The following ARAP1 variants were observed in gnomAD, a reference collection of about 807,000 sequenced individuals.
ARAP1 encodes arf-GAP with Rho-GAP domain, ANK repeat and PH domain-containing protein 1.
ARAP1 carries 76 observed loss-of-function variants against 172.2 expected under a neutral mutation model. That is an observed-to-expected ratio of 0.44 (90% CI 0.37 to 0.53). The LOEUF is 0.53. ARAP1 is among the 20% of genes least tolerant of loss of function. ARAP1 has a pLI of 0.00. For missense variants in ARAP1, 1,686 were observed against 1,977.5 expected (o/e 0.85, Z 2.80); for synonymous variants, 804 against 803.3 (o/e 1.00, Z -0.01).
intron 1 of ARAP1, among the ~76,000 whole-genome samples, chr11:72,747,641 G>C (rs1858408179): frequency 6.6e-6 from 1 of 152,230 alleles, no homozygotes; most frequent in African/African-American, 2.4e-5. Flanking sequence ...CTGCAGGCAA[G>C]TCACCACCTT....
chr11:72,685,434 G>T lies in ARAP1; in HGVS notation c.*230C>A. On this transcript the variant is annotated 3_prime_UTR_variant, in exon 35 of 35. Coordinates refer to ENST00000393609, the MANE Select transcript of ARAP1 (RefSeq NM_001040118.3). Reference sequence around the variant, plus strand: ...GTGGGGTGAGCAGGTTGGGCCAAGAGGTCTGAACACCTGGACAGAGTTGGG... The same window carrying T: ...GTGGGGTGAGCAGGTTGGGCCAAGATGTCTGAACACCTGGACAGAGTTGGG... 1 of 602,308 alleles carries T rather than the reference G, an allele frequency of 1.7e-6. No homozygotes were observed. Among genetic ancestry groups the T allele is most frequent in the Non-Finnish European group, 2.9e-6 (1 of 340,700 alleles). 37.3% of individuals were successfully genotyped at this position (602,308 alleles called of 1,614,324 possible).
At chr11:72,718,403 C>T (rs1565224806) in intron 3 of ARAP1, among the ~76,000 whole-genome samples, 1 of 152,052 alleles carries the variant, frequency 6.6e-6, no homozygotes, top group South Asian at 2.1e-4. Context: ...ATGTCACCCA[C>T]TGACTTGTCA....
chr11:72,726,606 T>C lies in ARAP1; in HGVS notation c.509+14A>G. 6.7e-7 allele frequency: 1 copy of C among 1,485,098 alleles called. No individual in the cohort carries two copies. The highest frequency in any genetic ancestry group is 1.4e-5 in the African/African-American group (1 of 72,462). 92.0% of individuals were successfully genotyped at this position (1,485,098 alleles called of 1,614,324 possible). A position where few individuals can be genotyped will look rare whatever the true frequency, so the allele number is the denominator to read the frequency against. On this transcript the variant is annotated intron_variant, in intron 3 of 34. Transcript: ENST00000393609. This position sits in a 1 kb window ranked among gnomAD's most constrained non-coding sequence, Gnocchi z 6.5. Reference sequence around the variant, plus strand: ...CTGCCTGTGCGCCTCCCACCCTGGGTGGCATCCACTCACCTCACCAGCAGG... The same window carrying C: ...CTGCCTGTGCGCCTCCCACCCTGGGCGGCATCCACTCACCTCACCAGCAGG...
chr11:72,696,848 G>T, intron 22 of ARAP1, 135 bp downstream of exon 22: 3 of 1,055,370 alleles, frequency 2.8e-6, no homozygotes, highest in South Asian at 1.6e-5. Context: ...GCGGCGATGG[G>T]AATGAGAAGC....
At position 72,696,594 on chromosome 11, in the gene ARAP1, G is replaced by C. The variant is rs1021199379; in HGVS notation, c.3227C>G (p.Pro1076Arg). 3.1e-6 allele frequency: 5 copies of C among 1,604,588 alleles called. No individual in the cohort carries two copies. The highest frequency in any genetic ancestry group is 4.3e-6 in the Non-Finnish European group (5 of 1,173,858). ...RYRELLVRLP[P>R]VNRATVKALI... is the part of the protein sequence containing the mutation. ...GGCCTTCACTGTGGCCCGGTTGACAGGGGGCAGCCGCACCAGCAGCTCTCG... is the reference window on the plus strand; with the variant it reads ...GGCCTTCACTGTGGCCCGGTTGACACGGGGCAGCCGCACCAGCAGCTCTCG... Residue 1076 changes from proline (P) to arginine (R), a missense_variant, in exon 23 of 35, where the codon CCT becomes CGT. Coordinates refer to ENST00000393609, the MANE Select transcript of ARAP1 (RefSeq NM_001040118.3).
chr11:72,725,660 C>A lies in ARAP1; in HGVS notation c.509+960G>T, dbSNP rs1457416749. 2.6e-5 allele frequency among the ~76,000 whole-genome samples: 4 copies of A among 152,104 alleles called. No individual in the cohort carries two copies. The highest frequency in any genetic ancestry group is 9.7e-5 in the African/African-American group (4 of 41,424). On this transcript the variant is annotated intron_variant, in intron 3 of 34. Transcript: ENST00000393609. The surrounding 1 kb of genome is among the most constrained non-coding windows in gnomAD (Gnocchi z 4.3). ...GTCCTTGGCATGGATCCAGCCAGGGCCCCCTCCCTGCTCTCCCTCTGATTT... is the reference window on the plus strand; with the variant it reads ...GTCCTTGGCATGGATCCAGCCAGGGACCCCTCCCTGCTCTCCCTCTGATTT...
At chr11:72,746,528 A>G (rs1264991659) in intron 1 of ARAP1, among the ~76,000 whole-genome samples, 1 of 152,226 alleles carries the variant, frequency 6.6e-6, no homozygotes, top group Non-Finnish European at 1.5e-5. Context: ...TCGGAAATTC[A>G]GAAGCTGGGA....
At chr11:72,702,287 C>A (rs1254336910) in intron 15 of ARAP1, among the ~76,000 whole-genome samples, 1 of 152,194 alleles carries the variant, frequency 6.6e-6, no homozygotes, top group Non-Finnish European at 1.5e-5. Flanking sequence ...TCTCTCCAGC[C>A]CAGTGTGCCC....
At position 72,695,171 on chromosome 11, in the gene ARAP1, A is replaced by G; in HGVS notation, c.3577-74T>C. 3.3e-6 allele frequency: 5 copies of G among 1,516,396 alleles called. No homozygotes were observed. Among genetic ancestry groups the G allele is most frequent in the Non-Finnish European group, 3.6e-6 (4 of 1,099,962 alleles). The allele number at this position is 1,516,396 out of a possible 1,614,324, so 93.9% of individuals were successfully genotyped here. A position where few individuals can be genotyped will look rare whatever the true frequency, so the allele number is the denominator to read the frequency against. ...CTGCCACAACCTTGCTATGTGACTC[A>G]GAGCCTGAGCCCATCCTTCTCAGGC... On this transcript the variant is annotated intron_variant, in intron 26 of 34. Transcript: ENST00000393609. The surrounding 1 kb of genome is among the most constrained non-coding windows in gnomAD (Gnocchi z 4.4).
Position 72,710,024 on chromosome 11 carries a change from C to A in ARAP1, c.1417-48G>T. The A allele has an allele frequency of 6.5e-7, 1 of 1,541,250 alleles. No homozygotes were observed. The highest frequency in any genetic ancestry group is 9.0e-7 in the Non-Finnish European group (1 of 1,114,680). ...TGAGGGCAAGGCTTTGGGGGCAGGG[C>A]GTGAGGCTTGGGACAGGGAGAGGAA... On this transcript the variant is annotated intron_variant, in intron 10 of 34. Coordinates refer to ENST00000393609, the MANE Select transcript of ARAP1 (RefSeq NM_001040118.3). The surrounding 1 kb of genome is among the most constrained non-coding windows in gnomAD (Gnocchi z 4.3).
chr11:72,750,914 G>A (rs1858513287), intron 1 of ARAP1, among the ~76,000 whole-genome samples: 1 of 152,194 alleles, frequency 6.6e-6, no homozygotes, highest in African/African-American at 2.4e-5. Context: ...AAGGACCTGG[G>A]GATTTGAATG....
rs545530995 is a variant in ARAP1, at chr11:72,695,032, G to A, written c.3642C>T (p.Ile1214=). 1.2e-6 allele frequency: 2 copies of A among 1,614,132 alleles called. No homozygotes were observed. Among genetic ancestry groups the A allele is most frequent in the South Asian group, 2.2e-5 (2 of 91,076 alleles). ...AGCAGGTCCAATAGTCCTTCTCCCTGATGCCCACGTTCCGGCGATCCAGGA... is the reference window on the plus strand; with the variant it reads ...AGCAGGTCCAATAGTCCTTCTCCCTAATGCCCACGTTCCGGCGATCCAGGA... ...LEILDRRNVG[I]REKDYWTCFE... is the part of the protein sequence containing the mutation. Residue 1214 remains isoleucine, a synonymous_variant, in exon 27 of 35, where the codon ATC becomes ATT. Coordinates refer to ENST00000393609, the MANE Select transcript of ARAP1 (RefSeq NM_001040118.3). The surrounding 1 kb of genome is among the most constrained non-coding windows in gnomAD (Gnocchi z 4.4).
intron 1 of ARAP1, among the ~76,000 whole-genome samples, chr11:72,736,204 AAAAT>A (rs778826041): frequency 1.3e-5 from 2 of 151,998 alleles, no homozygotes; most frequent in Admixed American, 1.3e-4. Flanking sequence ...TGACCTTTTT[AAAAT>A]AAATAGTTAT....
rs1856997211 is a variant in ARAP1, at chr11:72,711,175, C to T, written c.1093-34G>A. On this transcript the variant is annotated intron_variant, in intron 8 of 34. Transcript: ENST00000393609. Reference sequence around the variant, plus strand: ...GAGACAGGAACTATATTTTGGGACCCAGCACCTCGCTGACTCCCCCAGCCT... The same window carrying T: ...GAGACAGGAACTATATTTTGGGACCTAGCACCTCGCTGACTCCCCCAGCCT... 2.5e-6 allele frequency: 4 copies of T among 1,612,206 alleles called. No individual in the cohort carries two copies. In the African/African-American group the frequency reaches 5.3e-5, roughly 22 times the overall value.
chr11:72,701,322 T>C (rs924921067), intron 16 of ARAP1, among the ~76,000 whole-genome samples: 1 of 152,040 alleles, frequency 6.6e-6, no homozygotes, highest in Non-Finnish European at 1.5e-5. Context: ...ATCAGATGGA[T>C]AGGGCTTTCG....
chr11:72,721,884 T>TCCCA (rs1857525805), intron 3 of ARAP1: 1 of 985,544 alleles, frequency 1.0e-6, no homozygotes, highest in African/African-American at 1.7e-5. Flanking sequence ...GGCTGAGGAC[T>TCCCA]CCCACAGCTC....
Position 72,695,217 on chromosome 11 carries a change from G to A in ARAP1, c.3577-120C>T. 2 of 1,339,496 alleles carry A rather than the reference G, an allele frequency of 1.5e-6. No homozygotes were observed. Among genetic ancestry groups the A allele is most frequent in the Admixed American group, 1.8e-5 (1 of 56,470 alleles). 83.0% of individuals were successfully genotyped at this position (1,339,496 alleles called of 1,614,324 possible). A position where few individuals can be genotyped will look rare whatever the true frequency, so the allele number is the denominator to read the frequency against. The stretch of plus-strand genomic sequence containing the variant: ...CAGGCCCTTCTGGAGTCCTGGGATA[G>A]AGAGGGGTATTTCTGAGTGGTCCTT... On this transcript the variant is annotated intron_variant, in intron 26 of 34. Coordinates refer to ENST00000393609, the MANE Select transcript of ARAP1 (RefSeq NM_001040118.3). The surrounding 1 kb of genome is among the most constrained non-coding windows in gnomAD (Gnocchi z 4.4).
In ARAP1 at chr11:72,709,902, G is replaced by A; in HGVS notation, c.1491C>T (p.Ser497=). 1 of 1,614,194 alleles carries A rather than the reference G, an allele frequency of 6.2e-7. No homozygotes were observed. Among genetic ancestry groups the A allele is most frequent in the Non-Finnish European group, 8.5e-7 (1 of 1,180,014 alleles). ...TGCGGTAGGGCGTGGTGAGGTCGAA[G>A]CTGCGCCGGTCCACTTCCTTCACGT... ...VGNVKEVDRR[S]FDLTTPYRIF... is the part of the protein sequence containing the mutation. Residue 497 remains serine (S), a synonymous_variant, in exon 11 of 35, where the codon AGC becomes AGT. Coordinates refer to ENST00000393609, the MANE Select transcript of ARAP1 (RefSeq NM_001040118.3).
rs1855668885 is a variant in ARAP1, at chr11:72,686,060, G to A, written c.4317C>T (p.Phe1439=). The A allele has an allele frequency of 6.2e-7, 1 of 1,614,072 alleles. No individual in the cohort carries two copies. Among genetic ancestry groups the A allele is most frequent in the Non-Finnish European group, 8.5e-7 (1 of 1,180,032 alleles). Residue 1439 remains phenylalanine, a synonymous_variant, in exon 34 of 35, where the codon TTC becomes TTT. Transcript: ENST00000393609. ...CACTCACAGACAGAGGGTCCGCGGT[G>A]AAGGCAGCCACACTCCGGCGCATTT... ...ENEMRRSVAA[F]TADPLSLLRN...
Sources: gnomAD v4.1 joint callset for allele counts (sites outside exome capture counted in the v4.1 genomes callset) on GRCh38, gnomAD v4.1.1 for gene constraint, Gnocchi (gnomAD v3.1) non-coding constraint, MANE v1.5 for transcripts, NCBI Gene and HGNC (gene_info 2026-07-23, HGNC 2026-07-21) for gene names.